TM9SF4: variants seen among roughly 807,000 people sequenced by gnomAD.
TM9SF4 encodes the protein dinucleotide oxidase disulfide thiol exchanger 3 superfamily member 4.
Under a neutral mutation model 90.4 loss-of-function variants are expected in TM9SF4, and 26 were observed. The observed-to-expected ratio is 0.29, with a 90% CI of 0.21 to 0.40. The LOEUF is 0.40. Among genes scored for constraint, TM9SF4 ranks in the 10% least tolerant of loss-of-function variants. The pLI, the probability that TM9SF4 is intolerant of heterozygous loss-of-function variation, is 1.00. For synonymous variants in TM9SF4, 293 were observed against 315.4 expected (o/e 0.93, Z 0.75); for missense variants, 549 against 834.8 (o/e 0.66, Z 4.22).
At chr20:32,119,281 A>G (rs1166408227) in intron 1 of TM9SF4, among the ~76,000 whole-genome samples, 2 of 151,898 alleles carry the variant, frequency 1.3e-5, no homozygotes, top group Non-Finnish European at 2.9e-5. Context: ...CAACATGATG[A>G]AACCCAGTCT....
At chr20:32,141,031 CAG>C (rs963400904) in intron 3 of TM9SF4, among the ~76,000 whole-genome samples, 6 of 151,940 alleles carry the variant, frequency 3.9e-5, no homozygotes, top group South Asian at 2.1e-4. Context: ...TCCTGGCTAA[CAG>C]GGTGAAACCC....
chr20:32,163,665 G>A (rs2047060066), intron 17 of TM9SF4, among the ~76,000 whole-genome samples: 1 of 143,902 alleles, frequency 6.9e-6, no homozygotes, highest in African/African-American at 2.6e-5. Flanking sequence ...AGGCTGGAGT[G>A]CAGTGGTGCG....
intron 13 of TM9SF4, 90 bp from the exon 14 acceptor site, chr20:32,157,704 C>T (rs2046949106): frequency 7.3e-6 from 11 of 1,514,800 alleles, no homozygotes; most frequent in Non-Finnish European, 8.0e-6. Context: ...GCCTCTCCTT[C>T]TGTGGAGCCC....
chr20:32,149,617 C>G lies in TM9SF4; in HGVS notation c.955-17C>G. 6.2e-6 allele frequency: 10 copies of G among 1,614,182 alleles called. No homozygotes were observed. The highest frequency in any genetic ancestry group is 8.5e-6 in the Non-Finnish European group (10 of 1,180,028). On this transcript the variant is annotated splice_polypyrimidine_tract_variant and intron_variant, in intron 9 of 17. Transcript: ENST00000398022. Reference sequence around the variant, plus strand: ...TCCATCTTCAACAACCAGCCTCACTCTGGCCCTTCGCTGCAGGAAGACACC... The same window carrying G: ...TCCATCTTCAACAACCAGCCTCACTGTGGCCCTTCGCTGCAGGAAGACACC...
chr20:32,110,086 A>T, intron 1 of TM9SF4: 1 of 1,214,280 alleles, frequency 8.2e-7, no homozygotes, highest in Non-Finnish European at 1.0e-6. Context: ...GACCCCTCTG[A>T]AGACCCCCTC....
At chr20:32,157,215 A>C (rs1462340827) in intron 13 of TM9SF4, among the ~76,000 whole-genome samples, 1 of 151,892 alleles carries the variant, frequency 6.6e-6, no homozygotes, top group African/African-American at 2.4e-5. Context: ...AGCCTCCCAA[A>C]CTGCTGGTAT....
chr20:32,161,368 AC>A lies in TM9SF4; in HGVS notation c.1779+4del. 2 of 1,613,728 alleles carry A rather than the reference AC, an allele frequency of 1.2e-6. No homozygotes were observed. Among genetic ancestry groups the A allele is most frequent in the Non-Finnish European group, 8.5e-7 (1 of 1,179,766 alleles). The stretch of plus-strand genomic sequence containing the variant: ...CCATCTTTTATTTCGTTAACAAGGT[AC>A]TGCCCTCCTTGAGGAGGTCCTCTTA... On this transcript the variant is annotated splice_donor_region_variant and intron_variant, in intron 17 of 17. Coordinates refer to ENST00000398022, the MANE Select transcript of TM9SF4 (RefSeq NM_014742.4).
At chr20:32,124,405 G>A (rs892127886) in intron 1 of TM9SF4, among the ~76,000 whole-genome samples, 2 of 152,076 alleles carry the variant, frequency 1.3e-5, no homozygotes, top group African/African-American at 2.4e-5. Flanking sequence ...ACCTCTAATC[G>A]TGACCTCAAA....
At chr20:32,156,128 A>G (rs1346820534) in intron 13 of TM9SF4, among the ~76,000 whole-genome samples, 1 of 152,172 alleles carries the variant, frequency 6.6e-6, no homozygotes, top group African/African-American at 2.4e-5. Flanking sequence ...TTTCCTTTTT[A>G]TAGATATACT....
intron 6 of TM9SF4, among the ~76,000 whole-genome samples, chr20:32,144,207 G>A (rs1231734667): frequency 6.6e-6 from 1 of 152,186 alleles, no homozygotes; most frequent in Non-Finnish European, 1.5e-5. Context: ...GCCTCCCAAA[G>A]TGCTTGGATT....
chr20:32,115,887 CAG>C (rs2046214756), intron 1 of TM9SF4, among the ~76,000 whole-genome samples: 1 of 135,926 alleles, frequency 7.4e-6, no homozygotes, highest in Non-Finnish European at 1.5e-5. Context: ...GATCTCAGCT[CAG>C]TGCATTACTG....
intron 17 of TM9SF4, among the ~76,000 whole-genome samples, chr20:32,162,443 G>A (rs907773122): frequency 6.6e-6 from 1 of 152,202 alleles, no homozygotes; most frequent in African/African-American, 2.4e-5. Flanking sequence ...GGGCCAGCAG[G>A]CCTGTTTCTA....
Position 32,145,443 on chromosome 20 carries a change from A to G in TM9SF4, c.883+20A>G, listed in dbSNP as rs542425078. 315 of 1,602,926 alleles carry G rather than the reference A, an allele frequency of 2.0e-4. 2 individuals are homozygous for G. In the East Asian group the frequency reaches 4.2e-3, roughly 21 times the overall value. On this transcript the variant is annotated intron_variant, in intron 8 of 17. Coordinates refer to ENST00000398022, the MANE Select transcript of TM9SF4 (RefSeq NM_014742.4). ...TGTCAGGTGAGAGATCTGTGGGTTG[A>G]GGGAAAGGGGATGGGGGTTGGGGTT... is the stretch of plus-strand genomic sequence containing the variant.
In TM9SF4 at chr20:32,111,420, A is replaced by G. The variant is rs1015982891; in HGVS notation, c.15+1665A>G. ...AGAGATTTTTAAGAGGTTATAAGCTAGCAATACATATATGTGGTACACATC... is the reference window on the plus strand; with the variant it reads ...AGAGATTTTTAAGAGGTTATAAGCTGGCAATACATATATGTGGTACACATC... On this transcript the variant is annotated intron_variant, in intron 1 of 17. Coordinates refer to ENST00000398022, the MANE Select transcript of TM9SF4 (RefSeq NM_014742.4). Among the ~76,000 whole-genome samples the G allele has an allele frequency of 2.0e-5, 3 of 152,238 alleles. No individual in the cohort carries two copies. In the East Asian group the frequency reaches 5.8e-4, roughly 29 times the overall value.
intron 10 of TM9SF4, 54 bp downstream of exon 10, chr20:32,149,820 C>T: frequency 6.2e-7 from 1 of 1,601,866 alleles, no homozygotes; most frequent in Non-Finnish European, 8.5e-7. Flanking sequence ...CTTCCAGGTG[C>T]CTCAAGGAGA....
intron 3 of TM9SF4, among the ~76,000 whole-genome samples, chr20:32,140,671 C>A (rs1395382460): frequency 6.6e-6 from 1 of 152,138 alleles, no homozygotes; most frequent in Non-Finnish European, 1.5e-5. Context: ...TGGATGAGGA[C>A]ATTGAGGCTC....
chr20:32,125,032 G>GA (rs2046398726), intron 1 of TM9SF4, among the ~76,000 whole-genome samples: 1 of 152,132 alleles, frequency 6.6e-6, no homozygotes, highest in African/African-American at 2.4e-5. Flanking sequence ...TTCAAGGGAG[G>GA]TCATGAGACC....
In TM9SF4 at chr20:32,158,980, TAA is replaced by T. The variant is rs5841101; in HGVS notation, c.1569+482_1569+483del. On this transcript the variant is annotated intron_variant, in intron 15 of 17. Coordinates refer to ENST00000398022, the MANE Select transcript of TM9SF4 (RefSeq NM_014742.4). ...CTGGGTGACAGAGAGAGACTCCATC[TAA>T]AAAAAAAAAAAAAAATTTAAATGAG... Among the ~76,000 whole-genome samples, 472 of 140,912 alleles carry T rather than the reference TAA, an allele frequency of 3.3e-3. 1 individual carries two copies. The highest frequency in any genetic ancestry group is 3.7e-3 in the Non-Finnish European group (239 of 64,828). 92.4% of individuals were successfully genotyped at this position (140,912 alleles called of 152,430 possible). A position where few individuals can be genotyped will look rare whatever the true frequency, so the allele number is the denominator to read the frequency against.
At chr20:32,114,602 G>A (rs923196542) in intron 1 of TM9SF4, among the ~76,000 whole-genome samples, 1 of 152,184 alleles carries the variant, frequency 6.6e-6, no homozygotes, top group African/African-American at 2.4e-5. Flanking sequence ...CAAAGTGCTG[G>A]GATTACAGGT....
Sources: allele counts gnomAD v4.1 joint callset (sites outside exome capture counted in the v4.1 genomes callset), GRCh38; gene constraint gnomAD v4.1.1; transcripts MANE v1.5; gene names NCBI Gene and HGNC (gene_info 2026-07-23, HGNC 2026-07-21).